Variants in USP9X observed in about 807,000 individuals in gnomAD.
The protein encoded by USP9X is ubiquitin carboxyl-terminal hydrolase 9X.
Under a neutral mutation model 190.3 loss-of-function variants are expected in USP9X, and 7 were observed. The ratio of observed to expected loss-of-function variants is 0.04; its 90% confidence interval spans 0.02 to 0.07. The LOEUF is 0.07. Among genes scored for constraint, USP9X ranks in the 10% least tolerant of loss-of-function variants. USP9X has a pLI of 1.00. For missense variants in USP9X, 1,010 were observed against 1,916.9 expected, an observed-to-expected ratio of 0.53 and a Z score of 8.83; for synonymous variants, 645 against 659.5, an observed-to-expected ratio of 0.98 and a Z score of 0.34.
Position 41,212,898 on chromosome X carries a change from T to G in USP9X, c.5190-1670T>G, listed in dbSNP as rs956120521. Among the ~76,000 whole-genome samples, 3 of 112,012 alleles carry G rather than the reference T, an allele frequency of 2.7e-5. No homozygotes were observed. The South Asian group carries it at 1.1e-3, about 41-fold the overall frequency. ...ACTTATTCACTTAGCCTAGGCAACT[T>G]TTAGTCCTTTTGAAAGGCCTTTTAT... On this transcript the variant is annotated intron_variant, in intron 33 of 44. Coordinates refer to ENST00000378308, the MANE Select transcript of USP9X (RefSeq NM_001039591.3).
At chrX:41,197,171 C>CAAAT (rs2147190909) in intron 28 of USP9X, among the ~76,000 whole-genome samples, 193 bp from the exon 29 acceptor site, 1 of 111,705 alleles carries the variant, frequency 9.0e-6, no homozygotes, top group Non-Finnish European at 1.9e-5. Context: ...AGCATTTCTT[C>CAAAT]TAGTAGTTCA....
chrX:41,195,566 G>A (rs764937441), intron 26 of USP9X, among the ~76,000 whole-genome samples: 14 of 111,552 alleles, frequency 1.3e-4, no homozygotes, highest in Non-Finnish European at 1.3e-4. Flanking sequence ...CCAGGGCCCA[G>A]TTTCATGGAA....
intron 1 of USP9X, among the ~76,000 whole-genome samples, chrX:41,086,315 C>T (rs2061910583): frequency 1.8e-5 from 2 of 112,102 alleles, no homozygotes; most frequent in Admixed American, 1.9e-4. Context: ...GCCGGTGTCC[C>T]GAGAGCGTGT....
chrX:41,223,338 C>T lies in USP9X; in HGVS notation c.6687C>T (p.Tyr2229=). 8.3e-7 allele frequency: 1 copy of T among 1,211,822 alleles called. No homozygotes were observed. Among genetic ancestry groups the T allele is most frequent in the Non-Finnish European group, 1.1e-6 (1 of 895,427 alleles). ...KYQYAELGKL[Y]SVVSQLIRCC... ...AGTATGCTGAATTAGGCAAATTATA[C>T]TCAGTAGTGTCACAGCTGATCCGCT... The change falls in exon 39 of 45, where the codon TAC becomes TAT. Residue 2229 remains tyrosine, a synonymous_variant. Transcript: ENST00000378308.
chrX:41,125,684 A>ACACACAAACACACACTCTCTCTCTCTCT, intron 2 of USP9X, among the ~76,000 whole-genome samples: 2 of 19,027 alleles, frequency 1.1e-4, no homozygotes, highest in African/African-American at 4.4e-4. Context: ...ACACACACAC[A>ACACACAAACACACACTCTCTCTCTCTCT]CTCTCTCTCT....
intron 14 of USP9X, among the ~76,000 whole-genome samples, chrX:41,160,332 A>G (rs1337402862): frequency 9.2e-6 from 1 of 109,268 alleles, no homozygotes; most frequent in East Asian, 2.8e-4. Flanking sequence ...ATATATATAT[A>G]TATAAATTTG....
chrX:41,123,393 G>C (rs906099111), intron 1 of USP9X, 78 bp from the exon 2 acceptor site: 1 of 354,120 alleles, frequency 2.8e-6, no homozygotes, highest in Non-Finnish European at 4.9e-6. Context: ...ATTCACTGGT[G>C]ATACTAAATT....
chrX:41,218,714 C>A (rs1602048633), intron 37 of USP9X, 117 bp downstream of exon 37: 2 of 652,917 alleles, frequency 3.1e-6, no homozygotes, highest in Non-Finnish European at 2.4e-6. Flanking sequence ...AACAGAAACA[C>A]ACAATATGAT....
chrX:41,224,609 C>A, intron 39 of USP9X, 133 bp from the exon 40 acceptor site: 1 of 546,934 alleles, frequency 1.8e-6, no homozygotes, highest in Non-Finnish European at 2.8e-6. Context: ...GCACTCCAGC[C>A]TGGGCGACAG....
In USP9X at chrX:41,189,479, A is replaced by G; in HGVS notation, c.3977+4A>G. 1.7e-6 allele frequency: 2 copies of G among 1,181,099 alleles called. No homozygotes were observed. Among genetic ancestry groups the G allele is most frequent in the South Asian group, 1.9e-5 (1 of 52,224 alleles). On this transcript the variant is annotated splice_donor_region_variant and intron_variant, in intron 26 of 44. Coordinates refer to ENST00000378308, the MANE Select transcript of USP9X (RefSeq NM_001039591.3). ...TACTATTGCACTGTCACAGCAAGTA[A>G]GTATCTTTTTTAATTGTAAGAAACT... is the stretch of plus-strand genomic sequence containing the variant.
At chrX:41,122,121 G>T in intron 1 of USP9X, among the ~76,000 whole-genome samples, 1 of 110,140 alleles carries the variant, frequency 9.1e-6, no homozygotes, top group South Asian at 3.9e-4. Flanking sequence ...TTGTTTGTAG[G>T]GGGTGGAGAG....
At chrX:41,101,835 T>C (rs1159978210) in intron 1 of USP9X, among the ~76,000 whole-genome samples, 1 of 112,363 alleles carries the variant, frequency 8.9e-6, no homozygotes, top group African/African-American at 3.2e-5. Flanking sequence ...TGGAATATTA[T>C]CTGTCAATGA....
intron 13 of USP9X, 82 bp downstream of exon 13, chrX:41,151,139 T>C (rs2062521067): frequency 1.0e-6 from 1 of 997,070 alleles, no homozygotes; most frequent in Non-Finnish European, 1.3e-6. Flanking sequence ...GGCTGGCAAA[T>C]GCAAATTTTT....
Position 41,197,453 on chromosome X carries a change from A to C in USP9X, c.4323A>C (p.Gln1441His). ...LGVTKELLAF[Q>H]TSEKKFHIGC... ...TGACAAAGGAGTTACTGGCCTTTCA[A>C]ACTTCTGAGAAAAAATTTCATATTG... The change falls in exon 29 of 45, where the codon CAA becomes CAC. Residue 1441 changes from glutamine (Q) to histidine (H), a missense_variant. Around this residue, in one of 11 missense-constraint regions of USP9X, gnomAD observed 351 missense variants for 480.8 expected, o/e 0.73. Transcript: ENST00000378308. 3 of 1,208,921 alleles carry C rather than the reference A, an allele frequency of 2.5e-6. No individual in the cohort carries two copies. Among genetic ancestry groups the C allele is most frequent in the Non-Finnish European group, 3.4e-6 (3 of 894,402 alleles).
intron 21 of USP9X, among the ~76,000 whole-genome samples, chrX:41,173,829 ACT>A (rs1365951676): frequency 8.9e-6 from 1 of 112,188 alleles, no homozygotes. Flanking sequence ...CATGCTGAGT[ACT>A]GTGTTGAATC....
intron 14 of USP9X, among the ~76,000 whole-genome samples, chrX:41,160,063 A>G (rs1399032725): frequency 9.1e-6 from 1 of 109,634 alleles, no homozygotes; most frequent in Middle Eastern, 4.3e-3. Context: ...TGGGCCCTAG[A>G]AAACTTGCTG....
At chrX:41,108,944 G>A (rs1194571297) in intron 1 of USP9X, among the ~76,000 whole-genome samples, 3 of 111,209 alleles carry the variant, frequency 2.7e-5, no homozygotes, top group Non-Finnish European at 5.7e-5. Context: ...TGGTGCAATA[G>A]AGCCTGTGCA....
intron 26 of USP9X, chrX:41,189,890 T>C (rs933094378): frequency 8.6e-6 from 1 of 116,234 alleles, no homozygotes; most frequent in African/African-American, 3.2e-5. Context: ...CAGTTTACAC[T>C]GATAATAAAG....
rs755392888 is a variant in USP9X at position 41,230,295 on chromosome X, TGTA to T, written c.7432-200_7432-198del. Among the ~76,000 whole-genome samples the T allele has an allele frequency of 1.6e-4, 18 of 110,498 alleles. No individual in the cohort carries two copies. The South Asian group carries it at 2.7e-3, about 16-fold the overall frequency. On this transcript the variant is annotated intron_variant, in intron 43 of 44. Coordinates refer to ENST00000378308, the MANE Select transcript of USP9X (RefSeq NM_001039591.3). ...GAAATTTCTGTGAAATTGCCTGAAA[TGTA>T]GTAGTTCTGAGAGAATGCAAATCAG... is the stretch of plus-strand genomic sequence containing the variant.
Sources: allele counts gnomAD v4.1 joint callset (sites outside exome capture counted in the v4.1 genomes callset), GRCh38; gene constraint gnomAD v4.1.1; regional missense constraint gnomAD v4.1.1; transcripts MANE v1.5; gene names NCBI Gene and HGNC (gene_info 2026-07-23, HGNC 2026-07-21).